Variants in SIDT1 observed in about 807,000 individuals in gnomAD.
The protein encoded by SIDT1 is SID1 transmembrane family member 1.
In SIDT1, 101 loss-of-function variants were observed where a neutral mutation model predicts 107.5. The ratio of observed to expected loss-of-function variants is 0.94; its 90% CI spans 0.80 to 1.11. The LOEUF (loss-of-function observed/expected upper bound fraction) is 1.11, where lower values mean the gene tolerates loss of function less well. Ranked by LOEUF, SIDT1 falls within the 50% of genes least tolerant of loss-of-function variation. SIDT1 has a pLI of 0.00. For synonymous variants in SIDT1, 395 were observed against 398.2 expected, an observed-to-expected ratio of 0.99 and a Z score of 0.10; for missense variants, 1,076 against 1,058.2, an observed-to-expected ratio of 1.02 and a Z score of -0.23.
At chr3:113,636,604 A>ATC in the SIDT1 span, among the ~76,000 whole-genome samples, 2 of 152,186 alleles carry the variant, frequency 1.3e-5, no homozygotes, top group African/African-American at 4.8e-5. Flanking sequence ...AGTGTAAGAA[A>ATC]ACACCACCAA....
At chr3:113,597,979 G>T (rs1328313832) in intron 10 of SIDT1, among the ~76,000 whole-genome samples, 1 of 152,162 alleles carries the variant, frequency 6.6e-6, no homozygotes, top group Non-Finnish European at 1.5e-5. Context: ...ATTCTTAAAA[G>T]GCTTTAGACA....
chr3:113,571,160 G>T (rs76169370), intron 3 of SIDT1, among the ~76,000 whole-genome samples: 1 of 152,132 alleles, frequency 6.6e-6, no homozygotes, highest in Non-Finnish European at 1.5e-5. Flanking sequence ...AGTGGCTCCC[G>T]CCTGTAATTC....
chr3:113,565,458 G>A (rs2107339697), intron 1 of SIDT1, among the ~76,000 whole-genome samples: 1 of 152,182 alleles, frequency 6.6e-6, no homozygotes, highest in South Asian at 2.1e-4. Flanking sequence ...CTTGAACCTG[G>A]GAGGTTGCAG....
chr3:113,632,649 G>A (rs567435832), downstream of SIDT1: 3 of 152,280 alleles, frequency 2.0e-5, no homozygotes, highest in South Asian at 6.2e-4. Context: ...TTTGGGCTAG[G>A]CACTGTGAGA....
intron 23 of SIDT1, among the ~76,000 whole-genome samples, chr3:113,625,633 A>G (rs1946800304): frequency 6.6e-6 from 1 of 152,122 alleles, no homozygotes; most frequent in Non-Finnish European, 1.5e-5. Flanking sequence ...TTTGATTTGC[A>G]TTCTCTGATG....
At chr3:113,579,106 A>T (rs1451980742) in intron 4 of SIDT1, among the ~76,000 whole-genome samples, 2 of 152,148 alleles carry the variant, frequency 1.3e-5, no homozygotes, top group Non-Finnish European at 2.9e-5. Flanking sequence ...CTATTCCAGG[A>T]GTTAGAAGCA....
rs202138300 is a variant in SIDT1, at chr3:113,568,601, A to AAAAAGAAAAGAAAAGAAAAG, written c.515+901_515+920dup. Among the ~76,000 whole-genome samples, 41 of 144,446 alleles carry AAAAAGAAAAGAAAAGAAAAG rather than the reference A, an allele frequency of 2.8e-4. No homozygotes were observed. The East Asian group carries it at 7.2e-3, about 26-fold the overall frequency. 94.8% of individuals were successfully genotyped at this position (144,446 alleles called of 152,430 possible). A position where few individuals can be genotyped will look rare whatever the true frequency, so the allele number is the denominator to read the frequency against. On this transcript the variant is annotated intron_variant, in intron 3 of 24. Coordinates refer to ENST00000264852, the MANE Select transcript of SIDT1 (RefSeq NM_017699.3). ...ACAGCAAGACTCTGTCTCAAAAAAA[A>AAAAAGAAAAGAAAAGAAAAG]AAAAGAAAAGAAAAGAAAAGAAAAG...
intron 6 of SIDT1, 32 bp from the exon 7 acceptor site, chr3:113,583,377 C>T (rs753234377): frequency 6.6e-6 from 10 of 1,522,546 alleles, no homozygotes; most frequent in South Asian, 3.6e-5. Context: ...TCTTTCTTAC[C>T]GCCTATCATA....
intron 11 of SIDT1, chr3:113,602,055 A>G (rs1188590803): frequency 6.2e-6 from 1 of 161,248 alleles, no homozygotes; most frequent in Non-Finnish European, 1.3e-5. Flanking sequence ...AGACTGAGGC[A>G]GTGCTGCAGG....
At chr3:113,571,864 G>A (rs1033065988) in intron 3 of SIDT1, among the ~76,000 whole-genome samples, 2 of 152,170 alleles carry the variant, frequency 1.3e-5, no homozygotes, top group Non-Finnish European at 2.9e-5. Context: ...GAACCCAGGA[G>A]GCAGAGGTTT....
At chr3:113,605,899 G>A (rs1268323534) in intron 14 of SIDT1, among the ~76,000 whole-genome samples, 1 of 151,980 alleles carries the variant, frequency 6.6e-6, no homozygotes, top group Non-Finnish European at 1.5e-5. Flanking sequence ...AGCTACTCGG[G>A]AGGCTGAAGT....
chr3:113,633,702 T>C (rs189088126), downstream of SIDT1, among the ~76,000 whole-genome samples: 280 of 152,344 alleles, frequency 1.8e-3, 3 homozygotes, highest in South Asian at 0.011. Flanking sequence ...CATTGGGTAG[T>C]AGTGTTGATG....
At chr3:113,568,203 A>G (rs1014679619) in intron 3 of SIDT1, among the ~76,000 whole-genome samples, 1 of 152,140 alleles carries the variant, frequency 6.6e-6, no homozygotes, top group African/African-American at 2.4e-5. Flanking sequence ...AACTAAAATA[A>G]ACAGGCAAGC....
At chr3:113,535,882 AT>A (rs1215346840) in intron 1 of SIDT1, among the ~76,000 whole-genome samples, 144 of 152,302 alleles carry the variant, frequency 9.5e-4, no homozygotes, top group African/African-American at 3.3e-3. Context: ...CATTTTCTTG[AT>A]CTGTCTGTCC....
intron 1 of SIDT1, among the ~76,000 whole-genome samples, chr3:113,537,099 T>A (rs1228487367): frequency 6.6e-6 from 1 of 152,224 alleles, no homozygotes; most frequent in African/African-American, 2.4e-5. Context: ...AAGAAACCCT[T>A]AAATAAAATC....
At chr3:113,615,158 T>C in intron 19 of SIDT1, 1 of 1,428,540 alleles carries the variant, frequency 7.0e-7, no homozygotes, top group South Asian at 1.2e-5. Flanking sequence ...GCAGCCCTGC[T>C]CCCTGAACAG....
chr3:113,542,932 G>T lies in SIDT1; in HGVS notation c.222+9689G>T, dbSNP rs528831129. 2.5e-3 allele frequency among the ~76,000 whole-genome samples: 351 copies of T among 142,458 alleles called. 3 individuals are homozygous for T. The highest frequency in any genetic ancestry group is 0.014 in the Middle Eastern group (4 of 276). 93.5% of individuals were successfully genotyped at this position (142,458 alleles called of 152,430 possible). On this transcript the variant is annotated intron_variant, in intron 1 of 24. Transcript: ENST00000264852. ...TGTGTGTGTGTGTGTGTGTGTGTGT[G>T]TGTGTGTTTGTTTGTTTGTTTGTTT...
At chr3:113,613,623 C>T (rs999875947) in intron 19 of SIDT1, among the ~76,000 whole-genome samples, 1 of 152,168 alleles carries the variant, frequency 6.6e-6, no homozygotes, top group Non-Finnish European at 1.5e-5. Context: ...TGGCAGGGCA[C>T]GCTGGTCATG....
intron 3 of SIDT1, chr3:113,568,060 G>A: frequency 5.1e-6 from 1 of 195,228 alleles, no homozygotes; most frequent in Non-Finnish European, 1.0e-5. Context: ...TTTAGTTCTA[G>A]GGAAGACATT....
Sources: gnomAD v4.1 joint callset for allele counts (sites outside exome capture counted in the v4.1 genomes callset) on GRCh38, gnomAD v4.1.1 for gene constraint, MANE v1.5 for transcripts, NCBI Gene and HGNC (gene_info 2026-07-23, HGNC 2026-07-21) for gene names.